The following CNTNAP2 variants were observed in gnomAD, a reference collection of about 807,000 sequenced individuals.
CNTNAP2 encodes contactin-associated protein-like 2.
A neutral mutation model predicts 155.2 loss-of-function variants in CNTNAP2; 98 were observed. The ratio of observed to expected loss-of-function variants is 0.63; its 90% confidence interval spans 0.54 to 0.75. The LOEUF is 0.75. Among genes scored for constraint, CNTNAP2 ranks in the 30% least tolerant of loss-of-function variants. The pLI, the probability that CNTNAP2 is intolerant of heterozygous loss-of-function variation, is 0.00. For synonymous variants in CNTNAP2, 651 were observed against 631.2 expected, an observed-to-expected ratio of 1.03 and a Z score of -0.47; for missense variants, 1,727 against 1,688.1, an observed-to-expected ratio of 1.02 and a Z score of -0.40.
rs568387451 is a variant in CNTNAP2, at chr7:146,590,779, T to C, written c.98-183492T>C. Among the ~76,000 whole-genome samples the C allele has an allele frequency of 3.3e-5, 5 of 152,290 alleles. No homozygotes were observed. The East Asian group carries it at 9.7e-4, about 29-fold the overall frequency. ...TTCCCCATGCAATCACGCCCACAAA[T>C]GGTATCACACAGCATGGTAGGCAGA... is the stretch of plus-strand genomic sequence containing the variant. On this transcript the variant is annotated intron_variant, in intron 1 of 23. Coordinates refer to ENST00000361727, the MANE Select transcript of CNTNAP2 (RefSeq NM_014141.6).
At chr7:147,620,188 G>C (rs1212970806) in intron 12 of CNTNAP2, among the ~76,000 whole-genome samples, 2 of 152,168 alleles carry the variant, frequency 1.3e-5, no homozygotes, top group Admixed American at 6.5e-5. Context: ...TGAATATCTG[G>C]AAAGCTTTGC....
In CNTNAP2 at chr7:147,921,408, A is replaced by G. The variant is rs141620617; in HGVS notation, c.2255+17687A>G. Among the ~76,000 whole-genome samples, 81 of 152,254 alleles carry G rather than the reference A, an allele frequency of 5.3e-4. 1 individual carries two copies. The highest frequency in any genetic ancestry group is 5.2e-3 in the East Asian group (27 of 5,182). ...AAAGTTATAAGCATTATTATTTTCT[A>G]TTATTATTATTTAGGAGATGTTTTG... On this transcript the variant is annotated intron_variant, in intron 14 of 23. Coordinates refer to ENST00000361727, the MANE Select transcript of CNTNAP2 (RefSeq NM_014141.6).
intron 14 of CNTNAP2, among the ~76,000 whole-genome samples, chr7:147,975,699 T>G (rs1160288895): frequency 1.3e-5 from 2 of 152,190 alleles, no homozygotes; most frequent in Non-Finnish European, 2.9e-5. Context: ...ATAAATAAAT[T>G]GAAGTGTAGA....
intron 11 of CNTNAP2, among the ~76,000 whole-genome samples, chr7:147,516,299 C>T (rs1033268486): frequency 3.3e-5 from 5 of 152,198 alleles, no homozygotes; most frequent in Admixed American, 2.0e-4. Flanking sequence ...CTCAATGATT[C>T]ACTATGTACA....
intron 15 of CNTNAP2, among the ~76,000 whole-genome samples, chr7:148,015,016 C>G (rs981848527): frequency 3.3e-5 from 5 of 152,184 alleles, no homozygotes; most frequent in African/African-American, 1.2e-4. Flanking sequence ...GATTGTTGAG[C>G]CCCACAAGCA....
chr7:148,246,564 A>G (rs1474716835), intron 20 of CNTNAP2, among the ~76,000 whole-genome samples: 2 of 151,736 alleles, frequency 1.3e-5, no homozygotes, highest in Non-Finnish European at 2.9e-5. Flanking sequence ...TTCCACAATC[A>G]CAATTTGAGC....
intron 19 of CNTNAP2, among the ~76,000 whole-genome samples, chr7:148,219,081 T>A (rs1795696840): frequency 6.6e-6 from 1 of 151,802 alleles, no homozygotes; most frequent in South Asian, 2.1e-4. Context: ...TAGCTGTGAT[T>A]ACAGGCCTGC....
chr7:147,180,232 A>G (rs1802426683), intron 8 of CNTNAP2, among the ~76,000 whole-genome samples: 1 of 152,106 alleles, frequency 6.6e-6, no homozygotes, highest in Non-Finnish European at 1.5e-5. Context: ...AGACTTTCTG[A>G]TTCTCTTTCT....
intron 1 of CNTNAP2, among the ~76,000 whole-genome samples, chr7:146,303,387 CAGA>C (rs1800649344): frequency 9.0e-6 from 1 of 110,798 alleles, no homozygotes; most frequent in South Asian, 2.3e-4. Context: ...AAATACAAAA[CAGA>C]AGTTTTTTTT....
At chr7:146,418,299 G>A (rs1795965022) in intron 1 of CNTNAP2, among the ~76,000 whole-genome samples, 1 of 152,132 alleles carries the variant, frequency 6.6e-6, no homozygotes, top group Non-Finnish European at 1.5e-5. Context: ...AAGTGTCAGG[G>A]CACATCCCAG....
At chr7:146,939,105 C>T (rs987225155) in intron 3 of CNTNAP2, among the ~76,000 whole-genome samples, 3 of 152,048 alleles carry the variant, frequency 2.0e-5, no homozygotes. Flanking sequence ...GAAAACTTAA[C>T]AAATGCTAGG....
chr7:147,685,842 A>G (rs1394095887), intron 13 of CNTNAP2, among the ~76,000 whole-genome samples: 1 of 151,966 alleles, frequency 6.6e-6, no homozygotes, highest in South Asian at 2.1e-4. Flanking sequence ...ATATCATGCT[A>G]TCTGTGGGGA....
intron 13 of CNTNAP2, among the ~76,000 whole-genome samples, chr7:147,675,843 G>A (rs551972232): frequency 1.3e-5 from 2 of 151,982 alleles, no homozygotes; most frequent in African/African-American, 4.8e-5. Flanking sequence ...TGAAAAACAT[G>A]GATCTGCCAC....
intron 1 of CNTNAP2, among the ~76,000 whole-genome samples, chr7:146,241,268 G>A (rs1013896214): frequency 1.3e-5 from 2 of 152,122 alleles, no homozygotes; most frequent in African/African-American, 4.8e-5. Context: ...CCTCCTTGCT[G>A]TCTCTTCAGT....
intron 1 of CNTNAP2, among the ~76,000 whole-genome samples, chr7:146,702,386 T>G (rs529482706): frequency 6.6e-6 from 1 of 152,166 alleles, no homozygotes; most frequent in African/African-American, 2.4e-5. Flanking sequence ...TAAGTATTTT[T>G]ATTCTATTAA....
At chr7:147,938,026 G>A (rs1800645996) in intron 14 of CNTNAP2, among the ~76,000 whole-genome samples, 2 of 152,112 alleles carry the variant, frequency 1.3e-5, no homozygotes, top group South Asian at 2.1e-4. Flanking sequence ...TCAGGTGGGG[G>A]AAATGACTTT....
chr7:146,951,596 G>A lies in CNTNAP2; in HGVS notation c.403-92311G>A, dbSNP rs147108410. ...TTTTTATCAGGTTTGTCAAAGATCC[G>A]ATGGTTGTAGATGTGTGACATTATT... is the stretch of plus-strand genomic sequence containing the variant. On this transcript the variant is annotated intron_variant, in intron 3 of 23. Transcript: ENST00000361727. 5.2e-3 allele frequency among the ~76,000 whole-genome samples: 795 copies of A among 152,222 alleles called. 14 individuals carry two copies. Among genetic ancestry groups the A allele is most frequent in the African/African-American group, 0.018 (728 of 41,524 alleles).
At chr7:146,137,062 T>G (rs969199380) in intron 1 of CNTNAP2, among the ~76,000 whole-genome samples, 3 of 152,172 alleles carry the variant, frequency 2.0e-5, no homozygotes, top group African/African-American at 7.2e-5. Flanking sequence ...GCTCAAATGA[T>G]CCATATCAAC....
rs542079082 is a variant in CNTNAP2 at position 146,302,258 on chromosome 7, G to T, written c.97+185285G>T. On this transcript the variant is annotated intron_variant, in intron 1 of 23. Coordinates refer to ENST00000361727, the MANE Select transcript of CNTNAP2 (RefSeq NM_014141.6). ...GTCCCATATAATAGAAGTTTGTTTT[G>T]TTATTATTTACAGATGATTTAAAAA... Among the ~76,000 whole-genome samples the T allele has an allele frequency of 2.1e-3, 325 of 152,138 alleles. 5 individuals are homozygous for T. The highest frequency in any genetic ancestry group is 9.3e-4 in the Non-Finnish European group (63 of 67,968).
Sources: gnomAD v4.1 joint callset for allele counts (sites outside exome capture counted in the v4.1 genomes callset) on GRCh38, gnomAD v4.1.1 for gene constraint, MANE v1.5 for transcripts, NCBI Gene and HGNC (gene_info 2026-07-23, HGNC 2026-07-21) for gene names.